Variants in NME8 observed in about 807,000 individuals in gnomAD.
The protein encoded by NME8 is NME/NM23 family member 8.
In NME8, 72 loss-of-function variants were observed where a neutral mutation model predicts 82.3. That is an observed-to-expected ratio of 0.87 (90% CI 0.72 to 1.06). NME8 has a LOEUF of 1.06. NME8 is among the 50% of genes least tolerant of loss of function. The probability of loss-of-function intolerance (pLI) is 0.00; values close to 1 mark genes in which losing one functional copy is unlikely to be tolerated. For synonymous variants in NME8, 267 were observed against 228.5 expected, an observed-to-expected ratio of 1.17 and a Z score of -1.52; for missense variants, 712 against 685.4, an observed-to-expected ratio of 1.04 and a Z score of -0.43.
At chr7:37,868,108 G>T (rs1267042748) in intron 11 of NME8, among the ~76,000 whole-genome samples, 2 of 152,198 alleles carry the variant, frequency 1.3e-5, no homozygotes, top group East Asian at 3.8e-4. Flanking sequence ...TTGGCTTGTG[G>T]GTTGTAGGGT....
chr7:37,857,085 G>A (rs937641088), intron 5 of NME8, among the ~76,000 whole-genome samples, 189 bp from the exon 6 acceptor site: 2 of 152,168 alleles, frequency 1.3e-5, no homozygotes, highest in African/African-American at 4.8e-5. Context: ...GGTGCGGAAA[G>A]GTTAAGGCCA....
chr7:37,886,141 T>C (rs1583642484), intron 14 of NME8, among the ~76,000 whole-genome samples: 1 of 152,340 alleles, frequency 6.6e-6, no homozygotes, highest in Admixed American at 6.5e-5. Flanking sequence ...CTCAATTATG[T>C]CTTTGCTTAT....
Position 37,857,264 on chromosome 7 carries a change from C to T in NME8, c.199-10C>T. On this transcript the variant is annotated splice_polypyrimidine_tract_variant and intron_variant, in intron 5 of 17. Coordinates refer to ENST00000199447, the MANE Select transcript of NME8 (RefSeq NM_016616.5). ...TATTTATTATTATATGAAATGTTTA[C>T]TTTTTCCAGGCAGAAGCTGACAACA... The T allele has an allele frequency of 6.2e-7, 1 of 1,601,712 alleles. No homozygotes were observed. The highest frequency in any genetic ancestry group is 8.5e-7 in the Non-Finnish European group (1 of 1,170,176).
chr7:37,857,147 C>G (rs1784523349), intron 5 of NME8, 127 bp from the exon 6 acceptor site: 2 of 724,340 alleles, frequency 2.8e-6, no homozygotes, highest in East Asian at 5.6e-5. Flanking sequence ...CCTAAAACCA[C>G]TAAGGCATAC....
At chr7:37,879,291 G>A (rs1349038741) in intron 12 of NME8, among the ~76,000 whole-genome samples, 1 of 152,082 alleles carries the variant, frequency 6.6e-6, no homozygotes, top group Non-Finnish European at 1.5e-5. Context: ...TGTGATTACA[G>A]GTGTGCCACC....
intron 5 of NME8, among the ~76,000 whole-genome samples, chr7:37,853,796 C>T (rs1346417071): frequency 6.6e-6 from 1 of 151,940 alleles, no homozygotes; most frequent in African/African-American, 2.4e-5. Flanking sequence ...TAAAATTGCC[C>T]TGAGCTGAAT....
At chr7:37,889,408 T>A (rs550085595) in intron 15 of NME8, among the ~76,000 whole-genome samples, 1 of 151,820 alleles carries the variant, frequency 6.6e-6, no homozygotes, top group African/African-American at 2.4e-5. Flanking sequence ...TTTTTTCTTA[T>A]GTTCTTCTAG....
intron 15 of NME8, among the ~76,000 whole-genome samples, chr7:37,893,795 TCATTTCTGCAGTGCCTGTCTTAGGG>T (rs1785173407): frequency 6.6e-6 from 1 of 152,160 alleles, no homozygotes; most frequent in African/African-American, 2.4e-5. Flanking sequence ...TTCTTCCCTT[TCATTTCTGCAGTGCCTGTCTTAGGG>T]CAGATCCTGG....
chr7:37,896,713 G>C, intron 16 of NME8, 157 bp from the exon 17 acceptor site: 2 of 667,006 alleles, frequency 3.0e-6, no homozygotes, highest in Non-Finnish European at 5.3e-6. Context: ...ATTAGAAGAG[G>C]GAGAAATGAA....
intron 11 of NME8, among the ~76,000 whole-genome samples, chr7:37,870,938 A>G (rs12532505): frequency 0.071 from 10,834 of 152,206 alleles, 488 homozygotes; most frequent in South Asian, 0.15. Flanking sequence ...CTTCCATGTG[A>G]CATCTTTCAA....
At chr7:37,875,227 A>G (rs1272578775) in intron 11 of NME8, among the ~76,000 whole-genome samples, 1 of 152,238 alleles carries the variant, frequency 6.6e-6, no homozygotes, top group Non-Finnish European at 1.5e-5. Flanking sequence ...CATGCAATAT[A>G]TAATCCTGGA....
intron 15 of NME8, among the ~76,000 whole-genome samples, chr7:37,889,236 T>C (rs1055961571): frequency 2.9e-4 from 44 of 152,060 alleles, no homozygotes; most frequent in African/African-American, 1.1e-3. Context: ...ATCATTATTA[T>C]ATTTCCTCCA....
chr7:37,894,341 A>G, intron 15 of NME8, 125 bp from the exon 16 acceptor site: 1 of 944,246 alleles, frequency 1.1e-6, no homozygotes, highest in Non-Finnish European at 1.7e-6. Context: ...CGTTTGGCAG[A>G]GTTTTGCCAT....
intron 9 of NME8, among the ~76,000 whole-genome samples, chr7:37,865,235 G>T (rs1371009336): frequency 6.6e-6 from 1 of 152,172 alleles, no homozygotes; most frequent in Non-Finnish European, 1.5e-5. Context: ...TTACTTCCTA[G>T]ATACAATAGG....
Position 37,877,151 on chromosome 7 carries a change from ATATCT to A in NME8, c.994+147_994+151del, listed in dbSNP as rs1784868528. On this transcript the variant is annotated intron_variant, in intron 12 of 17. Transcript: ENST00000199447. ...AAGAAATTAATGTATTAACTTACTAATATCTTAATAGTGAATAAAACATATTTGTA... is the reference window on the plus strand; with the variant it reads ...AAGAAATTAATGTATTAACTTACTAATAATAGTGAATAAAACATATTTGTA... 23 of 678,156 alleles carry A rather than the reference ATATCT, an allele frequency of 3.4e-5. No homozygotes were observed. In the South Asian group the frequency reaches 4.2e-4, roughly 12 times the overall value. The allele number at this position is 678,156 out of a possible 1,614,324, so 42.0% of individuals were successfully genotyped here.
intron 5 of NME8, among the ~76,000 whole-genome samples, chr7:37,855,957 C>T (rs1583626291): frequency 6.6e-6 from 1 of 152,104 alleles, no homozygotes. Flanking sequence ...AACCCAATTA[C>T]TCTTAGACTG....
Position 37,894,448 on chromosome 7 carries a change from A to G in NME8, c.1400-18A>G. The G allele has an allele frequency of 1.9e-6, 3 of 1,610,812 alleles. No homozygotes were observed. Among genetic ancestry groups the G allele is most frequent in the Non-Finnish European group, 2.5e-6 (3 of 1,177,412 alleles). On this transcript the variant is annotated intron_variant, in intron 15 of 17. Coordinates refer to ENST00000199447, the MANE Select transcript of NME8 (RefSeq NM_016616.5). ...AGTGAAGCAATCTGCAATATTATCA[A>G]ATATTTGTTTTTCTTAGAGCAGATC...
chr7:37,884,356 CAAGTAGTATTATCGGAAAAAGAAGCA>C lies in NME8; in HGVS notation c.1049_1074del (p.Gln350ProfsTer8). ...AGACTTCAAAATACTGGAGCAAAGA[CAAGTAGTATTATCGGAAAAAGAAGCA>C]CAAGCACTGTGCAAGGAATATGAAA... On this transcript the variant is annotated frameshift_variant, in exon 13 of 18. Transcript: ENST00000199447. LOFTEE classifies it high-confidence loss of function. 6.3e-7 allele frequency: 1 copy of C among 1,599,572 alleles called. No individual in the cohort carries two copies. Among genetic ancestry groups the C allele is most frequent in the Middle Eastern group, 1.7e-4 (1 of 6,038 alleles).
chr7:37,877,029 G>A (rs1401857717), intron 12 of NME8, 22 bp downstream of exon 12: 6 of 1,591,224 alleles, frequency 3.8e-6, no homozygotes, highest in Non-Finnish European at 5.2e-6. Context: ...AGCATAAATT[G>A]TTTAAGTATT....
Sources: allele counts gnomAD v4.1 joint callset (sites outside exome capture counted in the v4.1 genomes callset), GRCh38; gene constraint gnomAD v4.1.1; transcripts MANE v1.5; gene names NCBI Gene and HGNC (gene_info 2026-07-23, HGNC 2026-07-21).